The following THSD4 variants were observed in gnomAD, a reference collection of about 807,000 sequenced individuals.
The protein encoded by THSD4 is thrombospondin type-1 domain-containing protein 4.
Under a neutral mutation model 119.0 loss-of-function variants are expected in THSD4, and 69 were observed. That is an observed-to-expected ratio of 0.58 (90% CI 0.48 to 0.71). The LOEUF (loss-of-function observed/expected upper bound fraction) is 0.71, where lower values mean the gene tolerates loss of function less well. Ranked by LOEUF, THSD4 falls within the 30% of genes least tolerant of loss-of-function variation. THSD4 has a pLI of 0.00. For synonymous variants in THSD4, 524 were observed against 540.4 expected, an observed-to-expected ratio of 0.97 and a Z score of 0.42; for missense variants, 1,393 against 1,391.1, an observed-to-expected ratio of 1.00 and a Z score of -0.02.
intron 4 of THSD4, 120 bp downstream of exon 4, chr15:71,215,519 C>T: frequency 9.2e-7 from 1 of 1,083,668 alleles, no homozygotes; most frequent in South Asian, 2.0e-5. Flanking sequence ...CATTGCTCTG[C>T]CAGGTGGCAA....
At position 71,141,486 on chromosome 15, in the gene THSD4, C is replaced by T. The variant is rs374127318; in HGVS notation, c.-42C>T. On this transcript the variant is annotated 5_prime_UTR_variant, in exon 2 of 18. In the 5' UTR this introduces an upstream ATG that the reference lacks. Transcript: ENST00000261862. ...ACTCCCAATTGCAGAAAATTGGCAA[C>T]GTCTCTGAAGAGCCCTTGCTTTTGC... is the stretch of plus-strand genomic sequence containing the variant. 8.2e-6 allele frequency: 13 copies of T among 1,578,248 alleles called. No homozygotes were observed. Among genetic ancestry groups the T allele is most frequent in the African/African-American group, 1.4e-5 (1 of 73,378 alleles).
At chr15:71,356,544 T>G (rs1004017598) in intron 6 of THSD4, among the ~76,000 whole-genome samples, 1 of 151,516 alleles carries the variant, frequency 6.6e-6, no homozygotes, top group Admixed American at 6.6e-5. Context: ...ATTTGTTGAA[T>G]GAGTGAAGAG....
At chr15:71,452,337 CTG>C (rs1296909919) in intron 7 of THSD4, among the ~76,000 whole-genome samples, 1 of 152,038 alleles carries the variant, frequency 6.6e-6, no homozygotes, top group African/African-American at 2.4e-5. Flanking sequence ...CCAAAACTCT[CTG>C]TAGTTTTCTA....
In THSD4 at chr15:71,673,758, AT is replaced by A. The variant is rs529610191; in HGVS notation, c.1357+13027del. On this transcript the variant is annotated intron_variant, in intron 8 of 17. Transcript: ENST00000261862. ...TCATTTCGTTATGTACCCAGTAGTC[AT>A]TTCAGGAGCAGGTTGTTCAGAGAGT... Among the ~76,000 whole-genome samples the A allele has an allele frequency of 9.2e-4, 140 of 152,252 alleles. No homozygotes were observed. The South Asian group carries it at 0.011, about 12-fold the overall frequency.
chr15:71,534,575 A>G (rs1233044280), intron 7 of THSD4, among the ~76,000 whole-genome samples: 1 of 152,228 alleles, frequency 6.6e-6, no homozygotes, highest in East Asian at 1.9e-4. Context: ...CTCACTGTAA[A>G]AACAATTAGA....
chr15:71,614,626 T>C (rs1697820282), intron 7 of THSD4, among the ~76,000 whole-genome samples: 1 of 152,112 alleles, frequency 6.6e-6, no homozygotes, highest in African/African-American at 2.4e-5. Context: ...TTTCTGAAAA[T>C]AATTAAATCC....
intron 6 of THSD4, among the ~76,000 whole-genome samples, chr15:71,316,769 C>G (rs773277851): frequency 2.6e-5 from 4 of 152,160 alleles, no homozygotes; most frequent in Non-Finnish European, 4.4e-5. Context: ...GATTTATGTT[C>G]CAAGCATCTC....
At chr15:71,697,507 G>T (rs540774311) in intron 8 of THSD4, among the ~76,000 whole-genome samples, 4 of 152,212 alleles carry the variant, frequency 2.6e-5, no homozygotes, top group African/African-American at 7.2e-5. Flanking sequence ...TCCCAGGGCC[G>T]GCAGGCAGGC....
At chr15:71,724,287 A>ATATATATATATATATATATATTTT in intron 8 of THSD4, among the ~76,000 whole-genome samples, 36 of 37,256 alleles carry the variant, frequency 9.7e-4, no homozygotes, top group Non-Finnish European at 1.6e-3. Context: ...ATATATATAT[A>ATATATATATATATATATATATTTT]TTTTTTTTTT....
intron 7 of THSD4, among the ~76,000 whole-genome samples, chr15:71,482,274 A>C (rs11638040): frequency 0.016 from 2,474 of 151,042 alleles, 43 homozygotes; most frequent in Non-Finnish European, 0.026. Flanking sequence ...AGACAGAAAG[A>C]TGGAAAGGAC....
chr15:71,684,210 T>C (rs1361816984), intron 8 of THSD4, among the ~76,000 whole-genome samples: 1 of 152,172 alleles, frequency 6.6e-6, no homozygotes. Context: ...AGTTATGGGT[T>C]TTTTTATATT....
chr15:71,336,270 G>A (rs1273486601), intron 6 of THSD4, among the ~76,000 whole-genome samples: 1 of 152,184 alleles, frequency 6.6e-6, no homozygotes, highest in Non-Finnish European at 1.5e-5. Context: ...AAGATACAGG[G>A]AAGGAAGTGG....
intron 6 of THSD4, among the ~76,000 whole-genome samples, chr15:71,366,214 C>T (rs542526770): frequency 1.3e-5 from 2 of 152,290 alleles, no homozygotes; most frequent in African/African-American, 2.4e-5. Context: ...GCTGGGACTA[C>T]AGGCACCCGC....
intron 7 of THSD4, among the ~76,000 whole-genome samples, chr15:71,558,439 CTT>C: frequency 6.6e-6 from 1 of 152,256 alleles, no homozygotes; most frequent in Admixed American, 6.5e-5. Context: ...TGTTGCATCT[CTT>C]AAGTTTTGAT....
At chr15:71,473,599 C>T (rs747737) in intron 7 of THSD4, among the ~76,000 whole-genome samples, 26,774 of 152,054 alleles carry the variant, frequency 0.18, 2,705 homozygotes, top group South Asian at 0.37. Flanking sequence ...TGTAGTCTAC[C>T]ACTGGTGCCC....
chr15:71,189,595 G>A (rs1233537735), intron 3 of THSD4, among the ~76,000 whole-genome samples: 2 of 152,068 alleles, frequency 1.3e-5, no homozygotes, highest in Non-Finnish European at 2.9e-5. Context: ...GCGTGAACCC[G>A]GGAGGTGGAG....
intron 14 of THSD4, among the ~76,000 whole-genome samples, chr15:71,757,545 TTCA>T (rs2053562552): frequency 8.7e-4 from 7 of 8,008 alleles, no homozygotes; most frequent in Admixed American, 3.9e-3. Flanking sequence ...ATCCTCCCAC[TTCA>T]GCCTCCCAAA....
At chr15:71,326,751 T>A (rs1222072871) in intron 6 of THSD4, among the ~76,000 whole-genome samples, 8 of 120,586 alleles carry the variant, frequency 6.6e-5, no homozygotes, top group Admixed American at 6.0e-4. Flanking sequence ...GGCACATGCT[T>A]GTTATCCCAG....
intron 7 of THSD4, chr15:71,547,473 G>A: frequency 6.5e-7 from 1 of 1,550,178 alleles, no homozygotes; most frequent in Admixed American, 2.0e-5. Context: ...AGCAAGACCT[G>A]GGGGAGAGGT....
Sources: allele counts gnomAD v4.1 joint callset (sites outside exome capture counted in the v4.1 genomes callset), GRCh38; gene constraint gnomAD v4.1.1; transcripts MANE v1.5; gene names NCBI Gene and HGNC (gene_info 2026-07-23, HGNC 2026-07-21).